Variants in PRH1 observed in about 807,000 individuals in gnomAD.
The protein encoded by PRH1 is proline rich protein HaeIII subfamily 1, also known as salivary acidic proline-rich phosphoprotein 1/2.
In PRH1, 7 loss-of-function variants were observed where a neutral mutation model predicts 7.9. That is an observed-to-expected ratio of 0.89 (90% CI 0.50 to 1.67). The LOEUF is 1.67. Ranked by LOEUF, PRH1 falls within the 40% of genes most tolerant of loss-of-function variation. PRH1 has a pLI of 0.00. For synonymous variants in PRH1, 45 were observed against 80.8 expected (o/e 0.56, Z 2.38); for missense variants, 109 against 223.6 (o/e 0.49, Z 3.27).
intron 2 of PRH1, among the ~76,000 whole-genome samples, chr12:10,961,389 T>C (rs1428091465): frequency 6.6e-6 from 1 of 150,970 alleles, no homozygotes; most frequent in African/African-American, 2.5e-5. Context: ...TTGCTGCTAA[T>C]ACAGCATGCA....
At chr12:10,894,461 C>G (rs1279029107) in intron 2 of PRH1, among the ~76,000 whole-genome samples, 1 of 152,122 alleles carries the variant, frequency 6.6e-6, no homozygotes, top group Non-Finnish European at 1.5e-5. Flanking sequence ...AAGCTGTAGA[C>G]TCTACTAACT....
At chr12:11,157,965 C>A (rs117210716) in intron 1 of PRH1, among the ~76,000 whole-genome samples, 26 of 152,254 alleles carry the variant, frequency 1.7e-4, no homozygotes, top group Non-Finnish European at 3.4e-4. Context: ...ATGGCCTTAT[C>A]ATTCTTACAC....
chr12:11,101,351 G>A (rs987355672), intron 1 of PRH1, among the ~76,000 whole-genome samples: 6 of 152,284 alleles, frequency 3.9e-5, no homozygotes, highest in Middle Eastern at 3.4e-3. Flanking sequence ...TTAGCAGGGC[G>A]TAGTGGTGCA....
At chr12:11,155,065 A>G (rs768271553) in intron 1 of PRH1, among the ~76,000 whole-genome samples, 14 of 152,360 alleles carry the variant, frequency 9.2e-5, no homozygotes, top group Non-Finnish European at 1.9e-4. Context: ...ATGTGGGCAC[A>G]AATTTTATAT....
intron 1 of PRH1, among the ~76,000 whole-genome samples, chr12:11,165,008 G>A (rs978956702): frequency 2.0e-5 from 3 of 152,102 alleles, no homozygotes; most frequent in African/African-American, 4.8e-5. Context: ...AAGAGAAAAT[G>A]GTATCATGTT....
intron 1 of PRH1, among the ~76,000 whole-genome samples, chr12:11,165,616 T>C (rs1374900127): frequency 6.6e-6 from 1 of 152,252 alleles, no homozygotes; most frequent in African/African-American, 2.4e-5. Flanking sequence ...CTCTTAACAA[T>C]GCCTGGGTTT....
intron 2 of PRH1, among the ~76,000 whole-genome samples, chr12:10,897,396 G>A (rs1949663034): frequency 6.6e-6 from 1 of 152,000 alleles, no homozygotes; most frequent in Non-Finnish European, 1.5e-5. Context: ...CACTTGAATT[G>A]CCCCCAGTTG....
At chr12:11,048,138 A>G (rs1212837506), upstream of PRH1, among the ~76,000 whole-genome samples, 2 of 135,440 alleles carry the variant, frequency 1.5e-5, no homozygotes, top group East Asian at 1.9e-4. Context: ...ATATACCCAC[A>G]CACATATATG....
chr12:11,002,234 G>T lies in PRH1; in HGVS notation c.-125-28513C>A, dbSNP rs553808604. Among the ~76,000 whole-genome samples, 9 of 152,184 alleles carry T rather than the reference G, an allele frequency of 5.9e-5. No individual in the cohort carries two copies. In the South Asian group the frequency reaches 1.9e-3, roughly 32 times the overall value. ...GAGATAGATATAGATGATGATTGGT[G>T]ATGATGATAATGTCAGTTAAAAGGG... On this transcript the variant is annotated intron_variant, in intron 1 of 3. Coordinates refer to the PRH1 transcript ENST00000539853.
chr12:10,897,770 T>C (rs1949669214), intron 2 of PRH1, among the ~76,000 whole-genome samples: 1 of 152,152 alleles, frequency 6.6e-6, no homozygotes, highest in Non-Finnish European at 1.5e-5. Context: ...ACTCACTCAC[T>C]ATTGCCACAC....
intron 1 of PRH1, chr12:11,166,024 C>CT (rs938855842): frequency 2.6e-5 from 4 of 152,312 alleles, no homozygotes; most frequent in African/African-American, 9.6e-5. Flanking sequence ...AGACGTGGGA[C>CT]TTTTTTAATG....
intron 1 of PRH1, among the ~76,000 whole-genome samples, chr12:11,066,904 A>T (rs2136194987): frequency 6.6e-6 from 1 of 152,228 alleles, no homozygotes; most frequent in African/African-American, 2.4e-5. Flanking sequence ...ACATTTTAAA[A>T]ATTCATAGCA....
chr12:10,959,351 C>T (rs1938126002), intron 2 of PRH1, among the ~76,000 whole-genome samples: 1 of 151,690 alleles, frequency 6.6e-6, no homozygotes, highest in Non-Finnish European at 1.5e-5. Context: ...GATTCGGAGA[C>T]CAGCGTTGAG....
chr12:10,950,880 C>T lies in PRH1; in HGVS notation c.-59+22775G>A, dbSNP rs532569006. Among the ~76,000 whole-genome samples the T allele has an allele frequency of 2.0e-5, 3 of 152,056 alleles. No homozygotes were observed. In the South Asian group the frequency reaches 6.2e-4, roughly 32 times the overall value. ...AAAAAAAAAGATTGGTAGTAAACTT[C>T]CCATGTCTGAACAAACACACATTAA... On this transcript the variant is annotated intron_variant, in intron 2 of 3. Transcript: ENST00000539853.
At chr12:11,065,282 C>G (rs1171679631) in intron 1 of PRH1, among the ~76,000 whole-genome samples, 1 of 151,974 alleles carries the variant, frequency 6.6e-6, no homozygotes, top group Admixed American at 6.6e-5. Context: ...GATGTCCTGT[C>G]ATTTTATATT....
intron 1 of PRH1, among the ~76,000 whole-genome samples, chr12:11,152,587 G>A (rs1947133970): frequency 6.6e-6 from 1 of 151,970 alleles, no homozygotes; most frequent in Non-Finnish European, 1.5e-5. Context: ...TGACATCTAT[G>A]GTTAAGAAAG....
At chr12:11,052,924 ATTTTTTG>A (rs1943207248) in intron 1 of PRH1, among the ~76,000 whole-genome samples, 2 of 44,230 alleles carry the variant, frequency 4.5e-5, no homozygotes, top group South Asian at 9.8e-4. Flanking sequence ...GATTTTTTTG[ATTTTTTG>A]TTTTTTGTTT....
At chr12:10,981,144 A>T (rs1939330348) in intron 1 of PRH1, among the ~76,000 whole-genome samples, 1 of 152,200 alleles carries the variant, frequency 6.6e-6, no homozygotes, top group African/African-American at 2.4e-5. Flanking sequence ...AGTCCTCTTG[A>T]TGATGGACAT....
intron 1 of PRH1, among the ~76,000 whole-genome samples, chr12:11,099,144 C>T (rs888113121): frequency 1.3e-5 from 2 of 152,144 alleles, no homozygotes; most frequent in Non-Finnish European, 2.9e-5. Context: ...AGACTGACTA[C>T]CTTTCCCCTG....
Sources: allele counts gnomAD v4.1 joint callset (sites outside exome capture counted in the v4.1 genomes callset), GRCh38; gene constraint gnomAD v4.1.1; transcripts MANE v1.5; gene names NCBI Gene and HGNC (gene_info 2026-07-23, HGNC 2026-07-21).